MATN2: variants seen among roughly 807,000 people sequenced by gnomAD.
MATN2 encodes the protein matrilin 2.
In MATN2, 69 loss-of-function variants were observed where a neutral mutation model predicts 103.2. The observed-to-expected ratio is 0.67, with a 90% CI of 0.55 to 0.82. The LOEUF is 0.82. Among genes scored for constraint, MATN2 ranks in the 40% least tolerant of loss-of-function variants. The pLI, the probability that MATN2 is intolerant of heterozygous loss-of-function variation, is 0.00. For missense variants in MATN2, 1,023 were observed against 1,211.5 expected (o/e 0.84, Z 2.31); for synonymous variants, 429 against 450.2 (o/e 0.95, Z 0.60).
chr8:97,924,135 G>T (rs1007952212), intron 2 of MATN2, among the ~76,000 whole-genome samples: 1 of 151,948 alleles, frequency 6.6e-6, no homozygotes, highest in Non-Finnish European at 1.5e-5. Context: ...CTGATTCATC[G>T]TTCTCGTTTG....
intron 5 of MATN2, among the ~76,000 whole-genome samples, chr8:97,962,080 A>G (rs1811331887): frequency 6.6e-6 from 1 of 152,214 alleles, no homozygotes; most frequent in African/African-American, 2.4e-5. Context: ...AAGCCCAGGT[A>G]ATGAGGCTCA....
intron 4 of MATN2, among the ~76,000 whole-genome samples, chr8:97,953,793 C>A (rs1351845236): frequency 2.4e-3 from 284 of 119,396 alleles, no homozygotes; most frequent in Non-Finnish European, 2.7e-3. Context: ...TCCATCTCAC[C>A]AAAAAAAAAA....
intron 2 of MATN2, among the ~76,000 whole-genome samples, chr8:97,901,559 T>C (rs1002061150): frequency 2.0e-5 from 3 of 152,206 alleles, no homozygotes; most frequent in African/African-American, 7.2e-5. Context: ...GGCCCTGATA[T>C]ACTATTTTGT....
intron 5 of MATN2, among the ~76,000 whole-genome samples, chr8:97,965,344 A>T (rs923099620): frequency 6.6e-6 from 1 of 152,140 alleles, no homozygotes; most frequent in Non-Finnish European, 1.5e-5. Flanking sequence ...AGGAAACTCA[A>T]CCTCATGGGG....
chr8:97,931,499 C>T lies in MATN2; in HGVS notation c.689C>T (p.Ser230Phe), dbSNP rs1264385958. 3 of 1,609,744 alleles carry T rather than the reference C, an allele frequency of 1.9e-6. No homozygotes were observed. The highest frequency in any genetic ancestry group is 2.5e-6 in the Non-Finnish European group (3 of 1,178,036). Residue 230 changes from serine to phenylalanine, a missense_variant, in exon 3 of 19, where the codon TCC becomes TTC. Coordinates refer to ENST00000254898, the MANE Select transcript of MATN2 (RefSeq NM_002380.5). This position sits in a 1 kb window ranked among gnomAD's most constrained non-coding sequence, Gnocchi z 4.1. ...TTCAGCCAGATTGAGACGCTGACCTCCGTGTTCCAGAAGAAGTTGTGCAGT... is the reference window on the plus strand; with the variant it reads ...TTCAGCCAGATTGAGACGCTGACCTTCGTGTTCCAGAAGAAGTTGTGCAGT... Reference protein sequence around the residue: ...ANFSQIETLTSVFQKKLCTAH... With the variant: ...ANFSQIETLTFVFQKKLCTAH...
At chr8:97,998,439 G>A (rs1209718954) in intron 7 of MATN2, among the ~76,000 whole-genome samples, 1 of 141,474 alleles carries the variant, frequency 7.1e-6, no homozygotes, top group East Asian at 2.1e-4. Flanking sequence ...GGAGAATGGC[G>A]TGAACCTGGG....
intron 6 of MATN2, among the ~76,000 whole-genome samples, chr8:97,992,268 G>A (rs1812417067): frequency 6.6e-6 from 1 of 152,084 alleles, no homozygotes; most frequent in Admixed American, 6.5e-5. Flanking sequence ...GGTGAATCTG[G>A]GTAAAGAGTA....
intron 2 of MATN2, among the ~76,000 whole-genome samples, chr8:97,914,290 A>T (rs761768945): frequency 4.6e-5 from 7 of 151,238 alleles, no homozygotes; most frequent in Non-Finnish European, 8.8e-5. Flanking sequence ...CCTTAGAATA[A>T]GCCTAAAATA....
In MATN2 at chr8:97,901,762, A is replaced by T. The variant is rs1172263418; in HGVS notation, c.142+13520A>T. Among the ~76,000 whole-genome samples, 3 of 152,202 alleles carry T rather than the reference A, an allele frequency of 2.0e-5. No individual in the cohort carries two copies. The East Asian group carries it at 5.8e-4, about 29-fold the overall frequency. On this transcript the variant is annotated intron_variant, in intron 2 of 18. Transcript: ENST00000254898. ...GCCTCAGGCACCATGGGTGCATAGGATCAGCAAAATAAGTCCTTAAAGAGA... is the reference window on the plus strand; with the variant it reads ...GCCTCAGGCACCATGGGTGCATAGGTTCAGCAAAATAAGTCCTTAAAGAGA...
In MATN2 at chr8:98,015,151, T is replaced by C. The variant is rs953928629; in HGVS notation, c.1574-1389T>C. Reference sequence around the variant, plus strand: ...TTCCTTGACTCTTCTGTCCTATCCATATGGGCTCTTTGTATTAATCCATGA... The same window carrying C: ...TTCCTTGACTCTTCTGTCCTATCCACATGGGCTCTTTGTATTAATCCATGA... On this transcript the variant is annotated intron_variant, in intron 10 of 18. Transcript: ENST00000254898. 6.6e-5 allele frequency among the ~76,000 whole-genome samples: 10 copies of C among 152,302 alleles called. No homozygotes were observed. The East Asian group carries it at 1.7e-3, about 26-fold the overall frequency.
intron 2 of MATN2, among the ~76,000 whole-genome samples, chr8:97,897,282 G>T (rs1432084416): frequency 6.6e-6 from 1 of 152,230 alleles, no homozygotes. Flanking sequence ...GATACTAGAA[G>T]AAGATGCTGT....
chr8:97,882,541 T>C (rs1477666306), intron 1 of MATN2, among the ~76,000 whole-genome samples: 7 of 151,940 alleles, frequency 4.6e-5, no homozygotes, highest in Non-Finnish European at 1.0e-4. Context: ...TTCTAAGTTT[T>C]CTTCCTTTGT....
At chr8:98,021,424 C>G in intron 13 of MATN2, 97 bp downstream of exon 13, 1 of 1,339,612 alleles carries the variant, frequency 7.5e-7, no homozygotes, top group South Asian at 1.3e-5. Context: ...CTCTGCTTCT[C>G]CCATAAATAT....
intron 2 of MATN2, among the ~76,000 whole-genome samples, chr8:97,905,169 A>T (rs1006224463): frequency 2.6e-5 from 4 of 152,216 alleles, no homozygotes; most frequent in African/African-American, 9.6e-5. Flanking sequence ...TGATAACTGC[A>T]GTTCAAATAA....
At chr8:97,881,465 C>A (rs1363145116) in intron 1 of MATN2, among the ~76,000 whole-genome samples, 1 of 152,192 alleles carries the variant, frequency 6.6e-6, no homozygotes, top group East Asian at 1.9e-4. Context: ...TCTCTCTTCC[C>A]CCACCCCCTT....
At chr8:97,926,696 G>A (rs1167660958) in intron 2 of MATN2, among the ~76,000 whole-genome samples, 1 of 152,194 alleles carries the variant, frequency 6.6e-6, no homozygotes, top group Admixed American at 6.5e-5. Context: ...CTCATAAAAT[G>A]GCAAAGATTT....
intron 1 of MATN2, among the ~76,000 whole-genome samples, chr8:97,873,397 A>G (rs1403564954): frequency 1.4e-5 from 2 of 147,762 alleles, no homozygotes; most frequent in African/African-American, 5.0e-5. Flanking sequence ...TGCCCAGGCT[A>G]GAGTGCAGTG....
intron 6 of MATN2, among the ~76,000 whole-genome samples, chr8:97,979,356 T>A (rs1811947484): frequency 6.6e-6 from 1 of 152,214 alleles, no homozygotes; most frequent in South Asian, 2.1e-4. Context: ...CATTGAAGCT[T>A]TGTGGCTTGT....
chr8:97,871,427 G>C (rs1817894276), intron 1 of MATN2, among the ~76,000 whole-genome samples: 1 of 152,184 alleles, frequency 6.6e-6, no homozygotes, highest in Non-Finnish European at 1.5e-5. Flanking sequence ...GCAAGCAGTA[G>C]GAGAGGTGAG....
Sources: gnomAD v4.1 joint callset for allele counts (sites outside exome capture counted in the v4.1 genomes callset) on GRCh38, gnomAD v4.1.1 for gene constraint, Gnocchi (gnomAD v3.1) non-coding constraint, MANE v1.5 for transcripts, NCBI Gene and HGNC (gene_info 2026-07-23, HGNC 2026-07-21) for gene names.